Variants in PRKAR2B observed in about 807,000 individuals in gnomAD.
PRKAR2B encodes protein kinase cAMP-dependent type II regulatory subunit beta, also known as cAMP-dependent protein kinase type II-beta regulatory subunit.
A neutral mutation model predicts 49.9 loss-of-function variants in PRKAR2B; 14 were observed. That is an observed-to-expected ratio of 0.28 (90% CI 0.19 to 0.44). The LOEUF (loss-of-function observed/expected upper bound fraction) is 0.44, where lower values mean the gene tolerates loss of function less well. PRKAR2B is among the 20% of genes least tolerant of loss of function. The probability of loss-of-function intolerance (pLI) is 1.00; values close to 1 mark genes in which losing one functional copy is unlikely to be tolerated. For synonymous variants in PRKAR2B, 196 were observed against 197.7 expected (o/e 0.99, Z 0.07); for missense variants, 393 against 537.9 (o/e 0.73, Z 2.67).
chr7:107,101,538 A>G (rs1794965908), intron 2 of PRKAR2B, among the ~76,000 whole-genome samples: 1 of 152,192 alleles, frequency 6.6e-6, no homozygotes, highest in Non-Finnish European at 1.5e-5. Context: ...GAATTTATCA[A>G]GTGCCTCCGT....
intron 8 of PRKAR2B, among the ~76,000 whole-genome samples, chr7:107,154,957 A>G (rs562759856): frequency 1.6e-4 from 25 of 152,222 alleles, no homozygotes; most frequent in Non-Finnish European, 3.7e-4. Flanking sequence ...CAAGGCCCAC[A>G]TCTGCTGCTT....
intron 2 of PRKAR2B, among the ~76,000 whole-genome samples, chr7:107,095,268 A>G (rs938418713): frequency 6.6e-6 from 1 of 152,156 alleles, no homozygotes; most frequent in Non-Finnish European, 1.5e-5. Flanking sequence ...CTTTGAAGCA[A>G]TTGTGAATGG....
Position 107,127,442 on chromosome 7 carries a change from GGACTCGAGAGATAGCAAGCCACAC to G in PRKAR2B, c.397-769_397-746del, listed in dbSNP as rs138041882. On this transcript the variant is annotated intron_variant, in intron 3 of 10. Coordinates refer to ENST00000265717, the MANE Select transcript of PRKAR2B (RefSeq NM_002736.3). Reference sequence around the variant, plus strand: ...AGTTGAGCCTCCTGCTAGTGAAAAGGGACTCGAGAGATAGCAAGCCACACTTACACACACGGCATTCTGCCACTC... The same window carrying G: ...AGTTGAGCCTCCTGCTAGTGAAAAGGTTACACACACGGCATTCTGCCACTC... Among the ~76,000 whole-genome samples the G allele has an allele frequency of 3.7e-3, 565 of 152,318 alleles. 3 individuals are homozygous for G. Among genetic ancestry groups the G allele is most frequent in the African/African-American group, 0.013 (538 of 41,558 alleles).
intron 2 of PRKAR2B, among the ~76,000 whole-genome samples, chr7:107,081,160 T>C (rs561009054): frequency 3.3e-5 from 5 of 152,356 alleles, no homozygotes; most frequent in Admixed American, 2.6e-4. Context: ...ATTTTGTGTA[T>C]GTATTACAAC....
At position 107,155,510 on chromosome 7, in the gene PRKAR2B, C is replaced by T. The variant is rs530449682; in HGVS notation, c.919-1474C>T. Among the ~76,000 whole-genome samples the T allele has an allele frequency of 2.6e-5, 4 of 152,346 alleles. No homozygotes were observed. The South Asian group carries it at 8.3e-4, about 32-fold the overall frequency. On this transcript the variant is annotated intron_variant, in intron 8 of 10. Transcript: ENST00000265717. ...CAACAGTGCAAAAGCATTCCTATTT[C>T]TCCACAACCTCACCAGCATCTATCG...
intron 2 of PRKAR2B, among the ~76,000 whole-genome samples, chr7:107,099,600 A>G (rs1794917967): frequency 6.6e-6 from 1 of 151,088 alleles, no homozygotes; most frequent in Non-Finnish European, 1.5e-5. Flanking sequence ...GGAGCTGTAG[A>G]CTGGAGCTGT....
At chr7:107,147,317 A>C (rs980733851) in intron 6 of PRKAR2B, among the ~76,000 whole-genome samples, 6 of 152,166 alleles carry the variant, frequency 3.9e-5, no homozygotes, top group African/African-American at 1.4e-4. Flanking sequence ...GTCTCAAAAA[A>C]AATCCTCTTA....
chr7:107,123,131 A>T (rs913841151), intron 3 of PRKAR2B, among the ~76,000 whole-genome samples: 3 of 152,246 alleles, frequency 2.0e-5, no homozygotes, highest in Non-Finnish European at 4.4e-5. Flanking sequence ...TGTATAAATG[A>T]GTATGATAAA....
At chr7:107,068,280 G>C (rs1042474383) in intron 1 of PRKAR2B, among the ~76,000 whole-genome samples, 3 of 152,094 alleles carry the variant, frequency 2.0e-5, no homozygotes, top group African/African-American at 7.2e-5. Flanking sequence ...GAGGGGGCAG[G>C]GGGGCAGAGA....
intron 2 of PRKAR2B, among the ~76,000 whole-genome samples, chr7:107,100,661 ACTGT>A (rs1467345170): frequency 2.0e-5 from 3 of 152,130 alleles, no homozygotes; most frequent in Non-Finnish European, 4.4e-5. Flanking sequence ...GATATCTACG[ACTGT>A]CTATTTTTAT....
chr7:107,130,434 G>A (rs1795584280), intron 4 of PRKAR2B, among the ~76,000 whole-genome samples: 1 of 152,024 alleles, frequency 6.6e-6, no homozygotes, highest in African/African-American at 2.4e-5. Flanking sequence ...CCCAGGAGGT[G>A]GAGGAGTTTG....
intron 2 of PRKAR2B, among the ~76,000 whole-genome samples, chr7:107,116,108 T>A (rs1044798158): frequency 6.6e-6 from 1 of 152,240 alleles, no homozygotes; most frequent in Non-Finnish European, 1.5e-5. Context: ...ATGCAATTTC[T>A]TTATGCCTAA....
chr7:107,045,207 G>C lies in PRKAR2B; in HGVS notation c.300G>C (p.Ala100=). The C allele has an allele frequency of 1.4e-6, 2 of 1,452,380 alleles. No homozygotes were observed. The highest frequency in any genetic ancestry group is 2.8e-5 in the South Asian group (2 of 71,806). 90.0% of individuals were successfully genotyped at this position (1,452,380 alleles called of 1,614,324 possible). A position where few individuals can be genotyped will look rare whatever the true frequency, so the allele number is the denominator to read the frequency against. The change falls in exon 1 of 11, where the codon GCG becomes GCC. Residue 100 remains alanine, a synonymous_variant. Transcript: ENST00000265717. Reference sequence around the variant, plus strand: ...AGGCGGCGCCCGCGGACGCAGGGGCGTTCAATGGTGAGGACCAGACCCCCC... The same window carrying C: ...AGGCGGCGCCCGCGGACGCAGGGGCCTTCAATGGTGAGGACCAGACCCCCC... ...EEEAAPADAG[A]FNAPVINRFT...
rs137877659 is a variant in PRKAR2B at position 107,119,890 on chromosome 7, C to T, written c.344-2062C>T. 1.2e-3 allele frequency among the ~76,000 whole-genome samples: 187 copies of T among 152,262 alleles called. 1 individual carries two copies. The highest frequency in any genetic ancestry group is 4.2e-3 in the African/African-American group (173 of 41,562). On this transcript the variant is annotated intron_variant, in intron 2 of 10. Coordinates refer to ENST00000265717, the MANE Select transcript of PRKAR2B (RefSeq NM_002736.3). The stretch of plus-strand genomic sequence containing the variant: ...CTGCATGACTGGTCCATTCCTGTTA[C>T]GTTTCTGAGACTGAAGGCTGAAGTC...
chr7:107,157,331 A>G lies in PRKAR2B; in HGVS notation c.1123+7A>G, dbSNP rs1274957622. On this transcript the variant is annotated splice_region_variant and intron_variant, in intron 10 of 10. Coordinates refer to ENST00000265717, the MANE Select transcript of PRKAR2B (RefSeq NM_002736.3). ...GGGACTGTCAAATGTTTAGGTAGGG[A>G]TTGCAACAGTGGGCGTGCTTCTGCT... is the stretch of plus-strand genomic sequence containing the variant. 1 of 1,607,640 alleles carries G rather than the reference A, an allele frequency of 6.2e-7. No homozygotes were observed. The highest frequency in any genetic ancestry group is 1.3e-5 in the African/African-American group (1 of 74,664).
rs200458097 is a variant in PRKAR2B at position 107,044,897 on chromosome 7, C to A, written c.-11C>A. The A allele has an allele frequency of 2.2e-5, 35 of 1,586,070 alleles. No homozygotes were observed. The Admixed American group carries it at 4.0e-4, about 18-fold the overall frequency. The stretch of plus-strand genomic sequence containing the variant: ...GGGCGGCGCCCAGGCGCCTGCCGCC[C>A]CGGAGGCAGGATGAGCATCGAGATC... On this transcript the variant is annotated 5_prime_UTR_variant, in exon 1 of 11. Coordinates refer to ENST00000265717, the MANE Select transcript of PRKAR2B (RefSeq NM_002736.3).
At chr7:107,125,700 T>C (rs1183182594) in intron 3 of PRKAR2B, among the ~76,000 whole-genome samples, 1 of 152,066 alleles carries the variant, frequency 6.6e-6, no homozygotes, top group Non-Finnish European at 1.5e-5. Context: ...CTCTGAGTGC[T>C]GAGGAGTAAT....
chr7:107,125,324 A>AC (rs1293991334), intron 3 of PRKAR2B, among the ~76,000 whole-genome samples: 1 of 152,256 alleles, frequency 6.6e-6, no homozygotes, highest in Non-Finnish European at 1.5e-5. Flanking sequence ...GGGATCTGTC[A>AC]CTAGGATAAA....
intron 2 of PRKAR2B, among the ~76,000 whole-genome samples, chr7:107,070,986 G>T (rs959034504): frequency 2.6e-5 from 4 of 152,220 alleles, no homozygotes; most frequent in Non-Finnish European, 5.9e-5. Flanking sequence ...TATTTAAACT[G>T]CTGGGGAAGT....
Sources: gnomAD v4.1 joint callset for allele counts (sites outside exome capture counted in the v4.1 genomes callset) on GRCh38, gnomAD v4.1.1 for gene constraint, MANE v1.5 for transcripts, NCBI Gene and HGNC (gene_info 2026-07-23, HGNC 2026-07-21) for gene names.